The following CMSS1 variants were observed in gnomAD, a reference collection of about 807,000 sequenced individuals.
CMSS1 encodes the protein protein CMSS1.
A neutral mutation model predicts 43.5 loss-of-function variants in CMSS1; 33 were observed. That is an observed-to-expected ratio of 0.76 (90% CI 0.57 to 1.01). CMSS1 has a LOEUF of 1.01. Among genes scored for constraint, CMSS1 ranks in the 50% least tolerant of loss-of-function variants. The pLI is 0.00. For missense variants in CMSS1, 313 were observed against 326.4 expected (o/e 0.96, Z 0.32); for synonymous variants, 115 against 117.2 (o/e 0.98, Z 0.12).
chr3:99,881,225 T>C (rs904067989), intron 1 of CMSS1, among the ~76,000 whole-genome samples: 6 of 152,208 alleles, frequency 3.9e-5, no homozygotes, highest in East Asian at 1.9e-4. Context: ...GAATTGGTAA[T>C]GTGACGCCAC....
chr3:99,850,697 G>A (rs1436536517), intron 1 of CMSS1: 1 of 1,614,004 alleles, frequency 6.2e-7, no homozygotes, highest in Admixed American at 1.7e-5. Context: ...AGTGCTGCCA[G>A]CTTTTGTTGA....
chr3:100,176,271 A>T, intron 8 of CMSS1, 56 bp from the exon 9 acceptor site: 2 of 1,170,808 alleles, frequency 1.7e-6, no homozygotes, highest in Non-Finnish European at 2.5e-6. Flanking sequence ...AAATCATTTT[A>T]ATAAGCTTAT....
intron 1 of CMSS1, among the ~76,000 whole-genome samples, chr3:100,103,889 A>G (rs1391703078): frequency 1.3e-5 from 2 of 152,234 alleles, no homozygotes; most frequent in Non-Finnish European, 2.9e-5. Context: ...ATATTTATGT[A>G]AATATCAACC....
chr3:100,123,331 C>G (rs1340794415), intron 1 of CMSS1, among the ~76,000 whole-genome samples: 1 of 152,080 alleles, frequency 6.6e-6, no homozygotes, highest in Non-Finnish European at 1.5e-5. Context: ...TCTAGGCACT[C>G]CAGGAGGTCA....
At chr3:100,105,502 A>G (rs1360880829) in intron 1 of CMSS1, among the ~76,000 whole-genome samples, 1 of 152,210 alleles carries the variant, frequency 6.6e-6, no homozygotes, top group Non-Finnish European at 1.5e-5. Context: ...AGGGACTTCC[A>G]GGAAGGTTCA....
At chr3:99,993,458 A>G (rs572462939) in intron 1 of CMSS1, among the ~76,000 whole-genome samples, 77 of 152,002 alleles carry the variant, frequency 5.1e-4, no homozygotes, top group Non-Finnish European at 1.0e-3. Flanking sequence ...TCCAATTTGA[A>G]TGCCTCTTAT....
chr3:99,863,947 A>G (rs1174187219), intron 1 of CMSS1, among the ~76,000 whole-genome samples: 1 of 152,228 alleles, frequency 6.6e-6, no homozygotes, highest in African/African-American at 2.4e-5. Context: ...AGATCTTTCC[A>G]TTGGATCAGT....
intron 1 of CMSS1, among the ~76,000 whole-genome samples, chr3:99,915,691 C>A (rs537243920): frequency 6.6e-6 from 1 of 151,498 alleles, no homozygotes; most frequent in African/African-American, 2.4e-5. Flanking sequence ...AGTGTTAGAT[C>A]ATTAGGACAT....
chr3:99,833,172 T>C (rs1052591626), intron 1 of CMSS1: 4 of 1,440,952 alleles, frequency 2.8e-6, no homozygotes, highest in African/African-American at 1.4e-5. Context: ...TAATAAATGC[T>C]TAACCCAGTT....
chr3:99,910,994 G>A (rs767512111), intron 1 of CMSS1, among the ~76,000 whole-genome samples: 4 of 152,066 alleles, frequency 2.6e-5, no homozygotes, highest in African/African-American at 7.2e-5. Flanking sequence ...ATAAATAGAC[G>A]CTCCTGTTTC....
chr3:99,935,233 A>G (rs912761076), intron 1 of CMSS1, among the ~76,000 whole-genome samples: 1 of 149,836 alleles, frequency 6.7e-6, no homozygotes, highest in Admixed American at 6.7e-5. Flanking sequence ...AAATTTTGTA[A>G]TAGCAACAGT....
At chr3:100,176,299 A>T in intron 8 of CMSS1, 28 bp from the exon 9 acceptor site, 1 of 1,485,330 alleles carries the variant, frequency 6.7e-7, no homozygotes, top group Non-Finnish European at 9.4e-7. Context: ...GGTCTTTACT[A>T]CAGCAACTCT....
At chr3:100,038,612 A>T (rs2065150208) in intron 1 of CMSS1, among the ~76,000 whole-genome samples, 1 of 152,218 alleles carries the variant, frequency 6.6e-6, no homozygotes. Flanking sequence ...TTATTCATTT[A>T]TCCAATACTA....
chr3:99,966,959 A>G (rs891713694), intron 1 of CMSS1, among the ~76,000 whole-genome samples: 2 of 152,150 alleles, frequency 1.3e-5, no homozygotes, highest in African/African-American at 4.8e-5. Flanking sequence ...ACTGCCCCAC[A>G]TGCTATACAG....
At chr3:99,848,084 G>C (rs1943448713) in intron 1 of CMSS1, 1 of 1,364,768 alleles carries the variant, frequency 7.3e-7, no homozygotes, top group Non-Finnish European at 9.5e-7. Context: ...TAAATGAAAA[G>C]ATATACAGTA....
chr3:100,179,796 ACT>A lies in CMSS1; in HGVS notation c.*1411_*1412del, dbSNP rs910257611. The A allele has an allele frequency of 2.6e-5, 4 of 152,048 alleles. No homozygotes were observed. The highest frequency in any genetic ancestry group is 1.3e-4 in the Admixed American group (2 of 15,268). 9.4% of individuals were successfully genotyped at this position (152,048 alleles called of 1,614,324 possible). Reference sequence around the variant, plus strand: ...TCCACTAGGCAGTGCCCCAGTGGGGACTCTGTGTAGGGTCTCCAACCCCACAT... The same window carrying A: ...TCCACTAGGCAGTGCCCCAGTGGGGACTGTGTAGGGTCTCCAACCCCACAT... On this transcript the variant is annotated 3_prime_UTR_variant, in exon 10 of 10. Transcript: ENST00000421999.
chr3:100,012,483 A>G (rs988615976), intron 1 of CMSS1, among the ~76,000 whole-genome samples: 1 of 152,218 alleles, frequency 6.6e-6, no homozygotes, highest in Non-Finnish European at 1.5e-5. Flanking sequence ...GGAGGAAATC[A>G]AGAGCCTTAA....
At chr3:99,929,807 G>A (rs750054358) in intron 1 of CMSS1, 3 of 1,394,846 alleles carry the variant, frequency 2.2e-6, no homozygotes, top group Non-Finnish European at 9.8e-7. Context: ...CATCTGCAGG[G>A]CTAGTGCTTG....
chr3:99,903,485 C>T (rs962733822), intron 1 of CMSS1, among the ~76,000 whole-genome samples: 3 of 151,972 alleles, frequency 2.0e-5, no homozygotes, highest in Non-Finnish European at 4.4e-5. Flanking sequence ...CCCCTGACCT[C>T]GTGATCCACC....
Sources: gnomAD v4.1 joint callset for allele counts (sites outside exome capture counted in the v4.1 genomes callset) on GRCh38, gnomAD v4.1.1 for gene constraint, MANE v1.5 for transcripts, NCBI Gene and HGNC (gene_info 2026-07-23, HGNC 2026-07-21) for gene names.